The following NBPF10 variants were observed in gnomAD, a reference collection of about 807,000 sequenced individuals.
NBPF10 encodes the protein NBPF member 10.
Under a neutral mutation model 77.9 loss-of-function variants are expected in NBPF10, and 63 were observed. That is an observed-to-expected ratio of 0.81 (90% CI 0.66 to 1.00). The LOEUF is 1.00. Ranked by LOEUF, NBPF10 falls within the 50% of genes least tolerant of loss-of-function variation. NBPF10 has a pLI of 0.00. For synonymous variants in NBPF10, 146 were observed against 264.5 expected (o/e 0.55, Z 4.35); for missense variants, 522 against 679.8 (o/e 0.77, Z 2.58).
chr1:146,125,971 T>A (rs1364866737), intron 14 of NBPF10, among the ~76,000 whole-genome samples: 1 of 151,540 alleles, frequency 6.6e-6, no homozygotes, highest in East Asian at 1.9e-4. Flanking sequence ...TGTGAATTTG[T>A]CATATCTGCC....
intron 77 of NBPF10, among the ~76,000 whole-genome samples, chr1:146,076,304 G>C (rs1489760682): frequency 0.22 from 616 of 2,778 alleles, 45 homozygotes; most frequent in Non-Finnish European, 0.39. Context: ...CACACACACA[G>C]AGAGAGAGAG....
rs1658513423 is a variant in NBPF10, at chr1:146,125,646, C to A, written c.2027-130G>T. The A allele has an allele frequency of 7.6e-6, 4 of 524,010 alleles. 1 individual carries two copies. Among genetic ancestry groups the A allele is most frequent in the Middle Eastern group, 1.1e-3 (2 of 1,904 alleles). 32.5% of individuals were successfully genotyped at this position (524,010 alleles called of 1,614,324 possible). Reference sequence around the variant, plus strand: ...AGAATAGGACACTGTGAGAGATATTCTTCAGGAGGCCTGAAGGCTGATCAC... The same window carrying A: ...AGAATAGGACACTGTGAGAGATATTATTCAGGAGGCCTGAAGGCTGATCAC... On this transcript the variant is annotated intron_variant, in intron 14 of 89. Coordinates refer to ENST00000583866, the Ensembl canonical transcript of NBPF10.
intron 29 of NBPF10, among the ~76,000 whole-genome samples, chr1:146,114,044 A>G (rs1416182547): frequency 4.8e-5 from 1 of 21,034 alleles, no homozygotes. Flanking sequence ...ACACACACAC[A>G]CACACACACA....
At chr1:146,081,033 AG>A (rs1656268888) in intron 71 of NBPF10, among the ~76,000 whole-genome samples, 56 of 38,404 alleles carry the variant, frequency 1.5e-3, no homozygotes, top group African/African-American at 4.0e-3. Flanking sequence ...ACACACACAG[AG>A]AGAGAGAGAG....
intron 7 of NBPF10, 56 bp downstream of exon 7, chr1:146,136,297 G>A (rs1406011282): frequency 1.1e-6 from 1 of 890,638 alleles, no homozygotes; most frequent in East Asian, 2.4e-5. Flanking sequence ...CCGAGCTGCT[G>A]TACTTCAGAG....
chr1:146,140,124 C>T, intron 4 of NBPF10, 104 bp from the exon 5 acceptor site: 2 of 1,223,896 alleles, frequency 1.6e-6, no homozygotes, highest in South Asian at 1.3e-5. Flanking sequence ...GAGAGTGGTT[C>T]CAGAAAGCAA....
intron 89 of NBPF10, 140 bp from the exon 90 acceptor site, chr1:146,066,701 A>G: frequency 1.7e-6 from 1 of 581,066 alleles, no homozygotes; most frequent in South Asian, 2.1e-5. Flanking sequence ...AAAAAAATTT[A>G]TTGCCTTTAT....
At chr1:146,126,270 C>T (rs587667732) in exon 14 of NBPF10, 23 of 1,608,262 alleles carry the variant, frequency 1.4e-5, no homozygotes, top group East Asian at 2.2e-5. Flanking sequence ...CACGCTGTTG[C>T]TCCAATATGT....
At chr1:146,139,225 G>A (rs1288778558) in intron 5 of NBPF10, among the ~76,000 whole-genome samples, 2 of 147,788 alleles carry the variant, frequency 1.4e-5, no homozygotes, top group African/African-American at 4.9e-5. Flanking sequence ...TCAGCCTCCT[G>A]AGTAGCTGGG....
At chr1:146,067,834 G>A (rs1289635000) in intron 88 of NBPF10, among the ~76,000 whole-genome samples, 169 bp downstream of exon 88, 1 of 151,902 alleles carries the variant, frequency 6.6e-6, no homozygotes, top group Non-Finnish European at 1.5e-5. Context: ...ACCATTTCAT[G>A]TCTAGGCTTC....
Position 146,138,799 on chromosome 1 carries a change from G to C in NBPF10, c.779-354C>G, listed in dbSNP as rs1372951117. The stretch of plus-strand genomic sequence containing the variant: ...TTTCTTTTTTGGTTTTTTGTTTTTT[G>C]TTTGAGACGGAGTCTCACTCTGTCA... On this transcript the variant is annotated intron_variant, in intron 5 of 89. Transcript: ENST00000583866. Among the ~76,000 whole-genome samples the C allele has an allele frequency of 4.4e-5, 6 of 137,246 alleles. No homozygotes were observed. In the East Asian group the frequency reaches 1.1e-3, roughly 25 times the overall value. The allele number at this position is 137,246 out of a possible 152,430, so 90.0% of individuals were successfully genotyped here.
rs1215318529 is a variant in NBPF10 at position 146,139,256 on chromosome 1, C to A, written c.778+553G>T. On this transcript the variant is annotated intron_variant, in intron 5 of 89. Coordinates refer to ENST00000583866, the Ensembl canonical transcript of NBPF10. Reference sequence around the variant, plus strand: ...CTGGGACTACAGGCGCCCACCACCACGCCCAGCTATTTTTTTTTTTTTTTT... The same window carrying A: ...CTGGGACTACAGGCGCCCACCACCAAGCCCAGCTATTTTTTTTTTTTTTTT... Among the ~76,000 whole-genome samples, 4 of 149,670 alleles carry A rather than the reference C, an allele frequency of 2.7e-5. No homozygotes were observed. The East Asian group carries it at 7.8e-4, about 29-fold the overall frequency.
intron 2 of NBPF10, among the ~76,000 whole-genome samples, chr1:146,142,357 T>A (rs1445196482): frequency 2.3e-5 from 3 of 132,956 alleles, no homozygotes; most frequent in Non-Finnish European, 5.2e-5. Context: ...CCATTTTGAT[T>A]ATACTGAATG....
At chr1:146,138,898 C>A (rs78286284) in intron 5 of NBPF10, among the ~76,000 whole-genome samples, 1 of 139,066 alleles carries the variant, frequency 7.2e-6, no homozygotes, top group Non-Finnish European at 1.6e-5. Flanking sequence ...GATTCTCATC[C>A]CTCAGCCTGC....
At position 146,142,643 on chromosome 1, in the gene NBPF10, C is replaced by A. The variant is rs781998438; in HGVS notation, c.278+7G>T. 2.3e-6 allele frequency: 3 copies of A among 1,326,650 alleles called. 1 individual carries two copies. The African/African-American group carries it at 4.2e-5, about 18-fold the overall frequency. 82.2% of individuals were successfully genotyped at this position (1,326,650 alleles called of 1,614,324 possible). On this transcript the variant is annotated splice_region_variant and intron_variant, in intron 2 of 89. Transcript: ENST00000583866. ...CCCGCCTGCCTCCCCCTATGGGGTCCCCTCACCTGAGCTCCTCAGCTTGCT... is the reference window on the plus strand; with the variant it reads ...CCCGCCTGCCTCCCCCTATGGGGTCACCTCACCTGAGCTCCTCAGCTTGCT...
chr1:146,140,333 C>A (rs1330888001), intron 4 of NBPF10, among the ~76,000 whole-genome samples, 151 bp downstream of exon 4: 1 of 126,568 alleles, frequency 7.9e-6, no homozygotes, highest in Non-Finnish European at 1.8e-5. Context: ...ACGACAGCTG[C>A]CGCACCCTGT....
At chr1:146,123,813 A>C in intron 17 of NBPF10, 114 bp downstream of exon 17, 1 of 332,616 alleles carries the variant, frequency 3.0e-6, no homozygotes, top group Non-Finnish European at 5.1e-6. Flanking sequence ...TAGTAGGAAT[A>C]ATTCAGGCTT....
At chr1:146,067,582 C>A (rs112610920) in intron 88 of NBPF10, among the ~76,000 whole-genome samples, 1 of 150,292 alleles carries the variant, frequency 6.7e-6, no homozygotes, top group Admixed American at 6.7e-5. Flanking sequence ...AAAGCAAATA[C>A]CCTCAATGAT....
intron 17 of NBPF10, among the ~76,000 whole-genome samples, 193 bp from the exon 18 acceptor site, chr1:146,123,471 GATAGAC>G (rs1297580626): frequency 2.9e-4 from 11 of 37,622 alleles, no homozygotes; most frequent in East Asian, 2.2e-3. Context: ...GAGAAAGACA[GATAGAC>G]ACACACACAC....
Sources: allele counts gnomAD v4.1 joint callset (sites outside exome capture counted in the v4.1 genomes callset), GRCh38; gene constraint gnomAD v4.1.1; transcripts MANE v1.5; gene names NCBI Gene and HGNC (gene_info 2026-07-23, HGNC 2026-07-21).